Variants in ME1 observed in about 807,000 individuals in gnomAD.
ME1 encodes the protein NADP-dependent malic enzyme.
Under a neutral mutation model 66.4 loss-of-function variants are expected in ME1, and 74 were observed. That is an observed-to-expected ratio of 1.11 (90% CI 0.92 to 1.35). ME1 has a LOEUF of 1.35. Ranked by LOEUF, ME1 falls within the 40% of genes most tolerant of loss-of-function variation. The pLI is 0.00. For synonymous variants in ME1, 251 were observed against 235.6 expected, an observed-to-expected ratio of 1.07 and a Z score of -0.60; for missense variants, 750 against 694.1, an observed-to-expected ratio of 1.08 and a Z score of -0.90.
At chr6:83,332,606 C>A (rs1168319524) in intron 5 of ME1, among the ~76,000 whole-genome samples, 1 of 152,098 alleles carries the variant, frequency 6.6e-6, no homozygotes, top group Non-Finnish European at 1.5e-5. Context: ...TCCTTTGCAG[C>A]CACTTGGATG....
rs1767891381 is a variant in ME1 at position 83,309,517 on chromosome 6, C to T, written c.704+5793G>A. On this transcript the variant is annotated intron_variant, in intron 6 of 13. Transcript: ENST00000369705. ...TTTACTGAGATGGGAAAGGCTGCAA[C>T]AGGAGCAGGGCTGGGAGTCAGTGGG... Among the ~76,000 whole-genome samples the T allele has an allele frequency of 2.0e-5, 3 of 152,078 alleles. 1 individual carries two copies. The South Asian group carries it at 6.2e-4, about 31-fold the overall frequency.
At position 83,237,724 on chromosome 6, in the gene ME1, A is replaced by G. The variant is rs1790442208; in HGVS notation, c.1019T>C (p.Ile340Thr). Reference protein sequence around the residue: ...KIWLVDSKGLIVKGRASLTQE... With the variant: ...KIWLVDSKGLTVKGRASLTQE... ...AAAATGACAAATTCTTACCTTAACT[A>G]TTAATCCTTTTGAATCAACCAGCCA... Residue 340 changes from isoleucine (I) to threonine (T), a missense_variant, in exon 9 of 14, where the codon ATA becomes ACA. Ile to Thr is a moderately conservative substitution (Grantham distance 89). Coordinates refer to ENST00000369705, the MANE Select transcript of ME1 (RefSeq NM_002395.6). The G allele has an allele frequency of 1.9e-6, 3 of 1,576,042 alleles. No individual in the cohort carries two copies. Among genetic ancestry groups the G allele is most frequent in the East Asian group, 2.2e-5 (1 of 44,476 alleles).
chr6:83,325,393 G>T (rs138657452), intron 5 of ME1, among the ~76,000 whole-genome samples: 46 of 152,140 alleles, frequency 3.0e-4, no homozygotes, highest in Non-Finnish European at 4.4e-4. Flanking sequence ...AGAAATAAAG[G>T]GTATTCCAAT....
chr6:83,227,060 A>T (rs764315875), intron 11 of ME1, among the ~76,000 whole-genome samples: 7 of 149,216 alleles, frequency 4.7e-5, no homozygotes, highest in Admixed American at 6.7e-5. Flanking sequence ...CTTTCTATTT[A>T]ACTTTTATGT....
chr6:83,408,946 C>A (rs1220597453), intron 1 of ME1, among the ~76,000 whole-genome samples: 2 of 152,116 alleles, frequency 1.3e-5, no homozygotes, highest in Non-Finnish European at 2.9e-5. Context: ...GAAATCCTCA[C>A]CCCCAAGGCG....
intron 1 of ME1, among the ~76,000 whole-genome samples, chr6:83,429,552 TAAAAG>T (rs1347664708): frequency 9.2e-5 from 14 of 151,914 alleles, no homozygotes; most frequent in Middle Eastern, 3.4e-3. Context: ...TGCAGAATAA[TAAAAG>T]AAAAGAAAAA....
chr6:83,225,729 C>A (rs898912518), intron 11 of ME1, among the ~76,000 whole-genome samples: 2 of 150,768 alleles, frequency 1.3e-5, no homozygotes, highest in African/African-American at 4.9e-5. Flanking sequence ...TTGTTATAAA[C>A]AACTTTCTAA....
intron 3 of ME1, among the ~76,000 whole-genome samples, chr6:83,377,584 G>A (rs1769317963): frequency 1.3e-5 from 2 of 151,854 alleles, no homozygotes; most frequent in Non-Finnish European, 2.9e-5. Context: ...GCAGCATACT[G>A]GCAATCAAAA....
At chr6:83,320,678 A>G (rs934586799) in intron 5 of ME1, among the ~76,000 whole-genome samples, 1 of 152,208 alleles carries the variant, frequency 6.6e-6, no homozygotes, top group Non-Finnish European at 1.5e-5. Flanking sequence ...TGAATTAGAA[A>G]AATTACACAA....
intron 3 of ME1, among the ~76,000 whole-genome samples, chr6:83,375,189 A>G (rs555170306): frequency 6.6e-6 from 1 of 152,302 alleles, no homozygotes; most frequent in African/African-American, 2.4e-5. Context: ...TTTGGGCAGT[A>G]TGGCCATTTT....
intron 10 of ME1, among the ~76,000 whole-genome samples, chr6:83,227,698 A>G (rs910793363): frequency 6.6e-6 from 1 of 152,240 alleles, no homozygotes; most frequent in Non-Finnish European, 1.5e-5. Context: ...ACAAATATCT[A>G]TTAAAAACTA....
At chr6:83,294,141 C>A (rs1281966806) in intron 6 of ME1, among the ~76,000 whole-genome samples, 2 of 152,134 alleles carry the variant, frequency 1.3e-5, no homozygotes, top group African/African-American at 2.4e-5. Context: ...GCAAGAAATT[C>A]TTTTGCCACT....
At chr6:83,329,878 T>A (rs575552055) in intron 5 of ME1, among the ~76,000 whole-genome samples, 60 of 152,342 alleles carry the variant, frequency 3.9e-4, no homozygotes, top group African/African-American at 1.3e-3. Flanking sequence ...TGGAGTGCAG[T>A]GGCATGATCA....
chr6:83,417,450 G>A (rs1297948711), intron 1 of ME1, among the ~76,000 whole-genome samples: 3 of 151,990 alleles, frequency 2.0e-5, no homozygotes, highest in Admixed American at 6.6e-5. Context: ...GCGTGATCTC[G>A]GATCATTGCA....
chr6:83,238,127 T>A (rs1361942073), intron 8 of ME1, among the ~76,000 whole-genome samples: 1 of 152,192 alleles, frequency 6.6e-6, no homozygotes, highest in East Asian at 1.9e-4. Flanking sequence ...CTGGTCAACC[T>A]TGCTCATTGA....
intron 3 of ME1, among the ~76,000 whole-genome samples, chr6:83,353,116 A>G (rs1768830876): frequency 6.6e-6 from 1 of 152,176 alleles, no homozygotes; most frequent in Admixed American, 6.5e-5. Context: ...GATTTGGCTA[A>G]TTACATCCCT....
intron 9 of ME1, 197 bp from the exon 10 acceptor site, chr6:83,229,128 T>C (rs534694559): frequency 1.8e-5 from 11 of 609,896 alleles, no homozygotes; most frequent in Admixed American, 8.6e-5. Context: ...GTCAATGTTC[T>C]AGGCAATGGA....
At chr6:83,311,657 A>T (rs1425811934) in intron 6 of ME1, among the ~76,000 whole-genome samples, 1 of 152,148 alleles carries the variant, frequency 6.6e-6, no homozygotes, top group Admixed American at 6.5e-5. Flanking sequence ...AGACATCAAC[A>T]TTACTAAAAA....
chr6:83,328,810 G>C (rs1402330292), intron 5 of ME1, among the ~76,000 whole-genome samples: 1 of 152,110 alleles, frequency 6.6e-6, no homozygotes, highest in Non-Finnish European at 1.5e-5. Flanking sequence ...TACACTAAAT[G>C]CATGTGGTGC....
Sources: gnomAD v4.1 joint callset for allele counts (sites outside exome capture counted in the v4.1 genomes callset) on GRCh38, gnomAD v4.1.1 for gene constraint, MANE v1.5 for transcripts, NCBI Gene and HGNC (gene_info 2026-07-23, HGNC 2026-07-21) for gene names.